Variants in CACNA1A observed in about 807,000 individuals in gnomAD.
The protein encoded by CACNA1A is calcium voltage-gated channel subunit alpha1 A, also known as voltage-dependent P/Q-type calcium channel subunit alpha-1A.
Under a neutral mutation model 262.4 loss-of-function variants are expected in CACNA1A, and 57 were observed. The ratio of observed to expected loss-of-function variants is 0.22; its 90% CI spans 0.18 to 0.27. The LOEUF (loss-of-function observed/expected upper bound fraction) is 0.27. CACNA1A is among the 10% of genes least tolerant of loss of function. CACNA1A has a pLI of 1.00. For synonymous variants in CACNA1A, 1,431 were observed against 1,419.3 expected (o/e 1.01, Z -0.18); for missense variants, 2,526 against 3,562.8 (o/e 0.71, Z 7.41).
At chr19:13,408,820 A>C (rs2060058061) in intron 3 of CACNA1A, among the ~76,000 whole-genome samples, 1 of 152,240 alleles carries the variant, frequency 6.6e-6, no homozygotes, top group South Asian at 2.1e-4. Context: ...CTGAAGGAAC[A>C]GTAAGGTGTC....
In CACNA1A at chr19:13,334,555, GTGTGTT is replaced by G. The variant is rs201437979; in HGVS notation, c.1083-68_1083-63del. The G allele has an allele frequency of 0.11, 52,613 of 468,136 alleles. 2,415 individuals carry two copies. The highest frequency in any genetic ancestry group is 0.22 in the African/African-American group (7,926 of 35,628). 29.0% of individuals were successfully genotyped at this position (468,136 alleles called of 1,614,324 possible). On this transcript the variant is annotated intron_variant, in intron 7 of 46. Coordinates refer to ENST00000360228, the MANE Select transcript of CACNA1A (RefSeq NM_001127222.2). ...TGAAAATGTTAGGAAACGTTTGTGT[GTGTGTT>G]TGTGTGTGTGTGTGTGTGTGTGTGT...
chr19:13,247,713 AAAATAAAT>A (rs144467626), intron 30 of CACNA1A, among the ~76,000 whole-genome samples: 11 of 146,710 alleles, frequency 7.5e-5, no homozygotes, highest in Non-Finnish European at 1.0e-4. Flanking sequence ...TAAATAAATA[AAAATAAAT>A]AAATAAATAA....
At chr19:13,303,308 G>A (rs575141060) in intron 17 of CACNA1A, among the ~76,000 whole-genome samples, 1 of 152,098 alleles carries the variant, frequency 6.6e-6, no homozygotes, top group African/African-American at 2.4e-5. Flanking sequence ...TTCCTGCAGC[G>A]ACCTCACTGC....
intron 19 of CACNA1A, among the ~76,000 whole-genome samples, chr19:13,294,477 C>T (rs1247646448): frequency 1.5e-5 from 2 of 133,620 alleles, no homozygotes; most frequent in Non-Finnish European, 3.1e-5. Context: ...GTGCATACCA[C>T]TGTACCTGGC....
chr19:13,473,556 C>T (rs1341660803), intron 1 of CACNA1A, among the ~76,000 whole-genome samples: 3 of 152,214 alleles, frequency 2.0e-5, no homozygotes, highest in Non-Finnish European at 4.4e-5. Flanking sequence ...CCCTAGGAAA[C>T]AAACACAGGA....
At position 13,300,570 on chromosome 19, in the gene CACNA1A, C is replaced by T. The variant is rs765929251; in HGVS notation, c.2259G>A (p.Ala753=). 51 of 1,613,268 alleles carry T rather than the reference C, an allele frequency of 3.2e-5. No homozygotes were observed. Among genetic ancestry groups the T allele is most frequent in the South Asian group, 1.1e-4 (10 of 91,072 alleles). Residue 753 remains alanine (A), a synonymous_variant, in exon 18 of 47, where the codon GCG becomes GCA. Coordinates refer to ENST00000360228, the MANE Select transcript of CACNA1A (RefSeq NM_001127222.2). ...CTTACACAGCTATAGACATGTTGGC[C>T]GCGGACAGAGGACTCACTTCTGCCA... is the stretch of plus-strand genomic sequence containing the variant. ...KEVAEVSPLS[A]ANMSIAVKEQ...
At chr19:13,352,093 T>C (rs2058921625) in intron 6 of CACNA1A, among the ~76,000 whole-genome samples, 1 of 152,186 alleles carries the variant, frequency 6.6e-6, no homozygotes, top group Non-Finnish European at 1.5e-5. Context: ...GGTCTAGGAA[T>C]GACCCGAGAC....
intron 6 of CACNA1A, among the ~76,000 whole-genome samples, chr19:13,349,872 TG>T (rs2058875011): frequency 6.6e-6 from 1 of 152,056 alleles, no homozygotes; most frequent in Non-Finnish European, 1.5e-5. Flanking sequence ...ACAGAGGAAG[TG>T]GCTGATCACC....
At chr19:13,442,289 T>C (rs910290428) in intron 3 of CACNA1A, among the ~76,000 whole-genome samples, 7 of 152,198 alleles carry the variant, frequency 4.6e-5, no homozygotes, top group African/African-American at 1.7e-4. Context: ...GGCACCTCTA[T>C]GATGCTGTAT....
At chr19:13,371,619 G>A in intron 4 of CACNA1A, 69 bp downstream of exon 4, 3 of 1,149,450 alleles carry the variant, frequency 2.6e-6, no homozygotes, top group Admixed American at 4.0e-5. Flanking sequence ...GAGATGCTCT[G>A]CATAGGGGAA....
intron 3 of CACNA1A, among the ~76,000 whole-genome samples, chr19:13,384,463 C>T (rs754489388): frequency 1.3e-5 from 2 of 152,070 alleles, no homozygotes; most frequent in Non-Finnish European, 2.9e-5. Flanking sequence ...TTTGAAAGGC[C>T]GAGGCAGGTG....
intron 6 of CACNA1A, among the ~76,000 whole-genome samples, chr19:13,353,838 C>T (rs965112002): frequency 6.6e-6 from 1 of 152,192 alleles, no homozygotes; most frequent in Non-Finnish European, 1.5e-5. Context: ...TCAAACATCA[C>T]CTCCTCTGAG....
chr19:13,343,329 G>A (rs117948958), intron 6 of CACNA1A, among the ~76,000 whole-genome samples: 14,155 of 151,400 alleles, frequency 0.093, 900 homozygotes, highest in East Asian at 0.37. Context: ...TCACCTTGTT[G>A]GTCAGGCTGG....
At chr19:13,330,723 T>A (rs1476137640) in intron 9 of CACNA1A, among the ~76,000 whole-genome samples, 1 of 152,206 alleles carries the variant, frequency 6.6e-6, no homozygotes, top group Non-Finnish European at 1.5e-5. Flanking sequence ...CCTGAGTAGC[T>A]GAGACTACAG....
At chr19:13,346,276 G>C (rs1250594116) in intron 6 of CACNA1A, among the ~76,000 whole-genome samples, 1 of 151,846 alleles carries the variant, frequency 6.6e-6, no homozygotes, top group Non-Finnish European at 1.5e-5. Flanking sequence ...CTGGACATCT[G>C]GGCAGCTACA....
intron 24 of CACNA1A, chr19:13,272,199 C>G (rs1010815770): frequency 2.6e-5 from 4 of 152,248 alleles, no homozygotes; most frequent in African/African-American, 9.7e-5. Context: ...GTGGTGGTCA[C>G]TGGGAGGATT....
At chr19:13,478,694 G>T (rs1309928842) in intron 1 of CACNA1A, among the ~76,000 whole-genome samples, 1 of 152,166 alleles carries the variant, frequency 6.6e-6, no homozygotes, top group African/African-American at 2.4e-5. Flanking sequence ...GTTCATAATG[G>T]CCCAAACGAG....
chr19:13,332,885 C>T lies in CACNA1A; in HGVS notation c.1239G>A (p.Gln413=). The T allele has an allele frequency of 1.9e-6, 3 of 1,612,792 alleles. No individual in the cohort carries two copies. The highest frequency in any genetic ancestry group is 2.5e-6 in the Non-Finnish European group (3 of 1,179,000). Reference sequence around the variant, plus strand: ...AGCAGTTACCATCAAAGGGATGCCTCTGCTCCCCGTCAGTTTCATCCTCGG... The same window carrying T: ...AGCAGTTACCATCAAAGGGATGCCTTTGCTCCCCGTCAGTTTCATCCTCGG... ...ILAEDETDGE[Q]RHPFDALRRT... The change falls in exon 9 of 47, where the codon CAG becomes CAA. Residue 413 remains glutamine, a synonymous_variant. Coordinates refer to ENST00000360228, the MANE Select transcript of CACNA1A (RefSeq NM_001127222.2).
intron 10 of CACNA1A, among the ~76,000 whole-genome samples, chr19:13,323,526 A>G (rs2058297513): frequency 1.3e-5 from 2 of 151,952 alleles, no homozygotes; most frequent in African/African-American, 4.8e-5. Context: ...CAGTGATGCA[A>G]TGTCAGCTCA....
Sources: gnomAD v4.1 joint callset for allele counts (sites outside exome capture counted in the v4.1 genomes callset) on GRCh38, gnomAD v4.1.1 for gene constraint, MANE v1.5 for transcripts, NCBI Gene and HGNC (gene_info 2026-07-23, HGNC 2026-07-21) for gene names.